FRA10AC1: variants seen among roughly 807,000 people sequenced by gnomAD.
FRA10AC1 encodes the protein FRA10A associated CGG repeat 1, also known as protein FRA10AC1.
Under a neutral mutation model 56.5 loss-of-function variants are expected in FRA10AC1, and 43 were observed. That is an observed-to-expected ratio of 0.76 (90% CI 0.60 to 0.98). FRA10AC1 has a LOEUF of 0.98. Ranked by LOEUF, FRA10AC1 falls within the 50% of genes least tolerant of loss-of-function variation. The pLI is 0.00. For missense variants in FRA10AC1, 346 were observed against 351.8 expected (o/e 0.98, Z 0.13); for synonymous variants, 112 against 110.5 (o/e 1.01, Z -0.09).
intron 7 of FRA10AC1, among the ~76,000 whole-genome samples, chr10:93,688,531 T>C (rs1386942134): frequency 2.6e-5 from 4 of 152,124 alleles, no homozygotes; most frequent in Non-Finnish European, 5.9e-5. Flanking sequence ...TCAACGTAGG[T>C]TCACTGATTG....
chr10:93,674,122 CA>C (rs2058807569), intron 12 of FRA10AC1: 1 of 152,408 alleles, frequency 6.6e-6, no homozygotes, highest in Admixed American at 6.5e-5. Context: ...AGCAAATCAT[CA>C]AGTTGTATAC....
At chr10:93,695,848 T>C (rs2059224495) in intron 4 of FRA10AC1, among the ~76,000 whole-genome samples, 1 of 152,204 alleles carries the variant, frequency 6.6e-6, no homozygotes, top group African/African-American at 2.4e-5. Context: ...CTATTAGAGC[T>C]GGGGTCAGCA....
At chr10:93,676,587 C>G in intron 12 of FRA10AC1, 66 bp downstream of exon 12, 1 of 1,489,324 alleles carries the variant, frequency 6.7e-7, no homozygotes, top group Non-Finnish European at 8.9e-7. Flanking sequence ...AGATACGATT[C>G]ATGGGAAATC....
chr10:93,670,689 T>C (rs2058746404), intron 13 of FRA10AC1, 81 bp downstream of exon 13: 4 of 895,814 alleles, frequency 4.5e-6, no homozygotes, highest in Non-Finnish European at 7.2e-6. Flanking sequence ...TGATGTTGTA[T>C]TTTTCCATTA....
intron 8 of FRA10AC1, 43 bp from the exon 9 acceptor site, chr10:93,685,402 A>T (rs747550044): frequency 2.3e-6 from 2 of 856,796 alleles, no homozygotes; most frequent in Admixed American, 4.0e-5. Flanking sequence ...GTTGGTGATA[A>T]TATTTATCTA....
chr10:93,672,052 C>T, intron 12 of FRA10AC1: 1 of 450,870 alleles, frequency 2.2e-6, no homozygotes, highest in Non-Finnish European at 4.4e-6. Flanking sequence ...AAAGTAGTTA[C>T]ATTAGCAGAC....
At position 93,699,544 on chromosome 10, in the gene FRA10AC1, T is replaced by C. The variant is rs189262450; in HGVS notation, c.77+486A>G. ...TTTATGTGCTAAGAGTTTTTGTCTC[T>C]TGCAATTCAAAAAAACCTTCCTTGA... On this transcript the variant is annotated intron_variant, in intron 2 of 13. Transcript: ENST00000359204. Among the ~76,000 whole-genome samples the C allele has an allele frequency of 1.1e-4, 17 of 152,330 alleles. No individual in the cohort carries two copies. The East Asian group carries it at 3.1e-3, about 28-fold the overall frequency.
rs1243409833 is a variant in FRA10AC1 at position 93,676,659 on chromosome 10, G to C, written c.820C>G (p.Leu274Val). ...HSSSKKSEDS[L>V]LRNSDEEESA... ...ATAAACACTTGTTACTTACTAAGTA[G>C]AGAATCTTCAGATTTCTTTGAAGAT... Residue 274 changes from leucine (L) to valine (V), a missense_variant, in exon 12 of 14, where the codon CTA becomes GTA. Leu to Val is a conservative substitution (Grantham distance 32, BLOSUM62 1). Transcript: ENST00000359204. The C allele has an allele frequency of 7.7e-6, 12 of 1,563,104 alleles. No individual in the cohort carries two copies. The highest frequency in any genetic ancestry group is 1.0e-5 in the Non-Finnish European group (12 of 1,160,344).
rs761599921 is a variant in FRA10AC1 at position 93,698,301 on chromosome 10, C to T, written c.173G>A (p.Arg58Lys). 10 of 1,600,968 alleles carry T rather than the reference C, an allele frequency of 6.2e-6. No homozygotes were observed. The highest frequency in any genetic ancestry group is 2.2e-5 in the East Asian group (1 of 44,710). Reference protein sequence around the residue: ...HKQVAAELLDREEARNRRFHL... With the variant: ...HKQVAAELLDKEEARNRRFHL... ...TAGAATTGACACTGAAATACCATAC[C>T]TATCCAGCAATTCTGCTGCAACTTG... is the stretch of plus-strand genomic sequence containing the variant. Residue 58 changes from arginine (R) to lysine (K), a missense_variant and splice_region_variant, in exon 3 of 14, where the codon AGG becomes AAG. Physicochemically the swap from Arg to Lys is conservative, Grantham distance 26 (BLOSUM62 2). Transcript: ENST00000359204.
chr10:93,683,642 C>T lies in FRA10AC1; in HGVS notation c.668+414G>A, dbSNP rs149167150. Among the ~76,000 whole-genome samples, 369 of 152,262 alleles carry T rather than the reference C, an allele frequency of 2.4e-3. 1 individual carries two copies. Among genetic ancestry groups the T allele is most frequent in the African/African-American group, 8.3e-3 (347 of 41,558 alleles). On this transcript the variant is annotated intron_variant, in intron 10 of 13. Transcript: ENST00000359204. ...CTAGGATTACAGGCATGAGCCACCG[C>T]GCCTGTTCTTGATTTTAACATTTAA...
At position 93,693,507 on chromosome 10, in the gene FRA10AC1, T is replaced by TATAC. The variant is rs1292693130; in HGVS notation, c.297-779_297-778insGTAT. On this transcript the variant is annotated intron_variant, in intron 5 of 13. Coordinates refer to ENST00000359204, the MANE Select transcript of FRA10AC1 (RefSeq NM_145246.5). ...GTATATATATATATATATATATATATACACCATATATATATATATACACCA... is the reference window on the plus strand; with the variant it reads ...GTATATATATATATATATATATATATATACACACCATATATATATATATACACCA... Among the ~76,000 whole-genome samples the TATAC allele has an allele frequency of 2.4e-4, 6 of 25,488 alleles. 2 individuals are homozygous for TATAC. The highest frequency in any genetic ancestry group is 3.9e-4 in the African/African-American group (5 of 12,710). The allele number at this position is 25,488 out of a possible 152,430, so 16.7% of individuals were successfully genotyped here.
rs979539881 is a variant in FRA10AC1, at chr10:93,698,589, A to G, written c.78-193T>C. ...ACCTTAACATTATTTTAATACCTATAACACGGGGAAGATGAAACTAACAAA... is the reference window on the plus strand; with the variant it reads ...ACCTTAACATTATTTTAATACCTATGACACGGGGAAGATGAAACTAACAAA... On this transcript the variant is annotated intron_variant, in intron 2 of 13. Transcript: ENST00000359204. Among the ~76,000 whole-genome samples the G allele has an allele frequency of 3.3e-5, 5 of 152,318 alleles. No homozygotes were observed. In the South Asian group the frequency reaches 1.0e-3, roughly 32 times the overall value.
At chr10:93,682,026 G>T (rs1335512215) in intron 10 of FRA10AC1, among the ~76,000 whole-genome samples, 1 of 151,944 alleles carries the variant, frequency 6.6e-6, no homozygotes, top group Non-Finnish European at 1.5e-5. Context: ...CCAGTAAATA[G>T]AAATTTCTAC....
At chr10:93,697,543 C>T (rs912095864) in intron 4 of FRA10AC1, among the ~76,000 whole-genome samples, 1 of 152,236 alleles carries the variant, frequency 6.6e-6, no homozygotes, top group South Asian at 2.1e-4. Flanking sequence ...GGATGGCCAG[C>T]GTAGCAGTTA....
Position 93,667,927 on chromosome 10 carries a change from A to G in FRA10AC1, c.*1899T>C, listed in dbSNP as rs774737301. ...TTATTCAAGAAGTGAGGGGACTATC[A>G]AACAATGTTAAACACTGATAAACCC... is the stretch of plus-strand genomic sequence containing the variant. On this transcript the variant is annotated 3_prime_UTR_variant, in exon 14 of 14. Transcript: ENST00000359204. 1 of 152,218 alleles carries G rather than the reference A, an allele frequency of 6.6e-6. No individual in the cohort carries two copies. 9.4% of individuals were successfully genotyped at this position (152,218 alleles called of 1,614,324 possible).
intron 9 of FRA10AC1, among the ~76,000 whole-genome samples, chr10:93,684,337 T>A (rs1427309021): frequency 6.6e-6 from 1 of 152,218 alleles, no homozygotes; most frequent in African/African-American, 2.4e-5. Context: ...AAATGTGTTG[T>A]CAATTTGTTC....
At chr10:93,702,925 T>A, upstream of FRA10AC1, 1 of 453,792 alleles carries the variant, frequency 2.2e-6, no homozygotes, top group South Asian at 1.6e-5. Flanking sequence ...GAGGATCCTC[T>A]CAGAGCAGCT....
intron 10 of FRA10AC1, 116 bp downstream of exon 10, chr10:93,683,940 C>A (rs2058979556): frequency 5.7e-6 from 4 of 707,520 alleles, no homozygotes; most frequent in South Asian, 5.6e-5. Context: ...ACATTTTCTA[C>A]ATGATCAACC....
intron 11 of FRA10AC1, among the ~76,000 whole-genome samples, chr10:93,678,065 T>G (rs367759860): frequency 1.3e-5 from 2 of 152,188 alleles, no homozygotes; most frequent in African/African-American, 2.4e-5. Flanking sequence ...AAGGATACTA[T>G]GTATTTCTAA....
Sources: gnomAD v4.1 joint callset for allele counts (sites outside exome capture counted in the v4.1 genomes callset) on GRCh38, gnomAD v4.1.1 for gene constraint, MANE v1.5 for transcripts, NCBI Gene and HGNC (gene_info 2026-07-23, HGNC 2026-07-21) for gene names.